The following KIF26B variants were observed in gnomAD, a reference collection of about 807,000 sequenced individuals.
KIF26B encodes the protein kinesin-like protein KIF26B.
A neutral mutation model predicts 151.2 loss-of-function variants in KIF26B; 63 were observed. The observed-to-expected ratio is 0.42, with a 90% confidence interval of 0.34 to 0.51. KIF26B has a LOEUF of 0.51. Ranked by LOEUF, KIF26B falls within the 20% of genes least tolerant of loss-of-function variation. The probability of loss-of-function intolerance (pLI) is 0.07; values close to 1 mark genes in which losing one functional copy is unlikely to be tolerated. For synonymous variants in KIF26B, 1,357 were observed against 1,262.1 expected (o/e 1.08, Z -1.59); for missense variants, 2,813 against 2,913.6 (o/e 0.97, Z 0.79).
In KIF26B at chr1:245,563,579, G is replaced by A. The variant is rs944811402; in HGVS notation, c.1350+22629G>A. Among the ~76,000 whole-genome samples the A allele has an allele frequency of 6.6e-6, 1 of 152,152 alleles. No homozygotes were observed. The highest frequency in any genetic ancestry group is 2.4e-5 in the African/African-American group (1 of 41,428). ...CTCAAACACATGGCTGACAGATTCC[G>A]GAGGCCTTCAACTCCCACCTATGAA... On this transcript the variant is annotated intron_variant, in intron 5 of 14. Coordinates refer to ENST00000407071, the MANE Select transcript of KIF26B (RefSeq NM_018012.4). This position sits in a 1 kb window ranked among gnomAD's most constrained non-coding sequence, Gnocchi z 4.6.
intron 3 of KIF26B, among the ~76,000 whole-genome samples, chr1:245,401,892 A>C (rs3121259): frequency 0.43 from 63,891 of 148,340 alleles, 15,648 homozygotes; most frequent in South Asian, 0.64. Flanking sequence ...CAAACAAAGA[A>C]ACACACACAC....
At chr1:245,612,105 T>TGTGTGAGA (rs764505406) in intron 9 of KIF26B, 129 bp downstream of exon 9, 36 of 312,608 alleles carry the variant, frequency 1.2e-4, no homozygotes, top group Admixed American at 5.4e-4. Flanking sequence ...TGTGTGTGTG[T>TGTGTGAGA]GAGAGAGAGA....
chr1:245,482,768 G>A (rs1660194821), intron 4 of KIF26B, among the ~76,000 whole-genome samples: 1 of 151,706 alleles, frequency 6.6e-6, no homozygotes, highest in Non-Finnish European at 1.5e-5. Context: ...TCCTACCAGT[G>A]AATGGTTCAC....
intron 9 of KIF26B, among the ~76,000 whole-genome samples, chr1:245,615,846 G>A (rs114762655): frequency 0.036 from 5,420 of 152,316 alleles, 127 homozygotes; most frequent in South Asian, 0.077. Flanking sequence ...TGACTTCAGT[G>A]AATTTATAAC....
At chr1:245,185,494 C>T (rs1328590882) in intron 2 of KIF26B, among the ~76,000 whole-genome samples, 1 of 152,156 alleles carries the variant, frequency 6.6e-6, no homozygotes, top group African/African-American at 2.4e-5. Flanking sequence ...CTAAGTGGAT[C>T]TAAACATGCT....
chr1:245,670,810 G>T (rs1306016382), intron 10 of KIF26B, among the ~76,000 whole-genome samples: 2 of 152,166 alleles, frequency 1.3e-5, no homozygotes, highest in African/African-American at 4.8e-5. Context: ...ACGTCATGGA[G>T]AATGGGGTAT....
At position 245,488,926 on chromosome 1, in the gene KIF26B, A is replaced by C. The variant is rs1475295207; in HGVS notation, c.1167-51841A>C. Among the ~76,000 whole-genome samples, 1 of 152,162 alleles carries C rather than the reference A, an allele frequency of 6.6e-6. No individual in the cohort carries two copies. The highest frequency in any genetic ancestry group is 2.4e-5 in the African/African-American group (1 of 41,432). On this transcript the variant is annotated intron_variant, in intron 4 of 14. Coordinates refer to ENST00000407071, the MANE Select transcript of KIF26B (RefSeq NM_018012.4). The surrounding 1 kb of genome is among the most constrained non-coding windows in gnomAD (Gnocchi z 4.6). ...ATGCTGATAAGATTAAAGCTCCTCT[A>C]GTGACTCTTAAGCCTCAGGCTCTTT...
At chr1:245,473,074 A>G (rs1382475850) in intron 4 of KIF26B, among the ~76,000 whole-genome samples, 1 of 152,246 alleles carries the variant, frequency 6.6e-6, no homozygotes, top group African/African-American at 2.4e-5. Context: ...GAAAATGAAC[A>G]ATCTGTAAAC....
At chr1:245,162,267 C>T (rs958907060) in intron 2 of KIF26B, among the ~76,000 whole-genome samples, 1 of 152,132 alleles carries the variant, frequency 6.6e-6, no homozygotes, top group African/African-American at 2.4e-5. Context: ...TCATCAGCAT[C>T]CTTTCTTTCC....
intron 9 of KIF26B, among the ~76,000 whole-genome samples, chr1:245,632,020 A>ATT (rs2043786004): frequency 6.6e-6 from 1 of 150,508 alleles, no homozygotes; most frequent in Admixed American, 6.6e-5. Context: ...ATCCTTTGTA[A>ATT]TTTTTGTGTG....
intron 5 of KIF26B, among the ~76,000 whole-genome samples, chr1:245,569,774 A>C (rs2043046204): frequency 6.6e-6 from 1 of 151,862 alleles, no homozygotes; most frequent in South Asian, 2.1e-4. Flanking sequence ...CCTGGGTGAC[A>C]GAGTGAGACC....
At chr1:245,292,854 A>G (rs1671278339) in intron 2 of KIF26B, among the ~76,000 whole-genome samples, 1 of 151,976 alleles carries the variant, frequency 6.6e-6, no homozygotes, top group Non-Finnish European at 1.5e-5. Flanking sequence ...GCTTCCTCCT[A>G]ATGAAACATC....
intron 2 of KIF26B, among the ~76,000 whole-genome samples, chr1:245,184,804 G>A (rs953555856): frequency 5.9e-5 from 9 of 152,238 alleles, no homozygotes; most frequent in South Asian, 2.1e-4. Flanking sequence ...TGTGTAATGA[G>A]TGGTGAATTG....
chr1:245,430,648 C>A (rs1164359361), intron 4 of KIF26B, among the ~76,000 whole-genome samples: 2 of 151,396 alleles, frequency 1.3e-5, no homozygotes, highest in South Asian at 4.2e-4. Flanking sequence ...GCCTAGGCGA[C>A]AAGAGTGAGA....
At chr1:245,248,720 T>C (rs903877333) in intron 2 of KIF26B, among the ~76,000 whole-genome samples, 2 of 152,230 alleles carry the variant, frequency 1.3e-5, no homozygotes, top group African/African-American at 4.8e-5. Context: ...TAGTTTAAAC[T>C]GAACTTGATT....
intron 4 of KIF26B, among the ~76,000 whole-genome samples, chr1:245,467,793 G>A (rs1306478640): frequency 6.6e-6 from 1 of 152,074 alleles, no homozygotes; most frequent in Non-Finnish European, 1.5e-5. Flanking sequence ...TACTAGGGAG[G>A]CTGAGGCAGG....
intron 2 of KIF26B, among the ~76,000 whole-genome samples, chr1:245,173,301 G>A (rs373033683): frequency 2.6e-5 from 4 of 152,266 alleles, no homozygotes; most frequent in African/African-American, 7.2e-5. Context: ...TGGTGGGGGC[G>A]TACATAATGT....
chr1:245,531,561 G>T (rs775150027), intron 4 of KIF26B, among the ~76,000 whole-genome samples: 25 of 152,184 alleles, frequency 1.6e-4, no homozygotes, highest in Non-Finnish European at 2.6e-4. Flanking sequence ...AGAATTCCAG[G>T]CTACTTAATC....
At chr1:245,596,067 G>A (rs2043333634) in intron 5 of KIF26B, among the ~76,000 whole-genome samples, 1 of 151,948 alleles carries the variant, frequency 6.6e-6, no homozygotes, top group East Asian at 1.9e-4. Context: ...TTCTTTGTTA[G>A]TCTGGCTAGC....
Sources: gnomAD v4.1 joint callset for allele counts (sites outside exome capture counted in the v4.1 genomes callset) on GRCh38, gnomAD v4.1.1 for gene constraint, Gnocchi (gnomAD v3.1) non-coding constraint, MANE v1.5 for transcripts, NCBI Gene and HGNC (gene_info 2026-07-23, HGNC 2026-07-21) for gene names.